The following PTPRN2 variants were observed in gnomAD, a reference collection of about 807,000 sequenced individuals.
PTPRN2 encodes the protein protein tyrosine phosphatase receptor type N2.
In PTPRN2, 74 loss-of-function variants were observed where a neutral mutation model predicts 118.8. The observed-to-expected ratio is 0.62, with a 90% confidence interval of 0.52 to 0.76. The LOEUF (loss-of-function observed/expected upper bound fraction) is 0.76, where lower values mean the gene tolerates loss of function less well. PTPRN2 is among the 30% of genes least tolerant of loss of function. PTPRN2 has a pLI of 0.00. For missense variants in PTPRN2, 1,481 were observed against 1,394.4 expected, an observed-to-expected ratio of 1.06 and a Z score of -0.99; for synonymous variants, 641 against 608.0, an observed-to-expected ratio of 1.05 and a Z score of -0.80.
chr7:158,017,007 AC>A (rs1426595268), intron 11 of PTPRN2, among the ~76,000 whole-genome samples: 13 of 152,328 alleles, frequency 8.5e-5, no homozygotes, highest in Middle Eastern at 3.4e-3. Context: ...GTTTGGTATA[AC>A]CTTCCAATTT....
At chr7:158,473,800 T>TA (rs5888756) in intron 2 of PTPRN2, among the ~76,000 whole-genome samples, 105,445 of 151,798 alleles carry the variant, frequency 0.69, 36,839 homozygotes, top group Admixed American at 0.78. Context: ...CATTAATTTT[T>TA]AAAAAAAGGT....
chr7:157,556,368 A>G (rs1195602355), intron 21 of PTPRN2, among the ~76,000 whole-genome samples: 1 of 151,342 alleles, frequency 6.6e-6, no homozygotes, highest in Non-Finnish European at 1.5e-5. Context: ...GCACACACAC[A>G]GGCATGCACA....
chr7:158,446,186 G>T (rs1817714848), intron 2 of PTPRN2, among the ~76,000 whole-genome samples: 1 of 152,198 alleles, frequency 6.6e-6, no homozygotes, highest in Non-Finnish European at 1.5e-5. Flanking sequence ...TTCTGTCCTT[G>T]CAAACCACTT....
At chr7:158,279,812 G>A (rs571259031) in intron 3 of PTPRN2, among the ~76,000 whole-genome samples, 8 of 152,268 alleles carry the variant, frequency 5.3e-5, no homozygotes, top group African/African-American at 1.4e-4. Context: ...GGGGCTCTTC[G>A]AGCCCGGCCA....
chr7:158,023,452 T>C (rs1462714120), intron 11 of PTPRN2, among the ~76,000 whole-genome samples: 4 of 151,974 alleles, frequency 2.6e-5, no homozygotes, highest in Non-Finnish European at 5.9e-5. Context: ...ATTAACACTC[T>C]AAAAAAAATT....
intron 1 of PTPRN2, among the ~76,000 whole-genome samples, chr7:158,572,580 G>A (rs1828102310): frequency 6.6e-6 from 1 of 152,200 alleles, no homozygotes; most frequent in African/African-American, 2.4e-5. Flanking sequence ...CTCCTGATCA[G>A]GACCGGCTGA....
At chr7:158,187,368 ATTGT>A (rs1441065959) in intron 5 of PTPRN2, among the ~76,000 whole-genome samples, 8 of 152,354 alleles carry the variant, frequency 5.3e-5, no homozygotes, top group African/African-American at 1.9e-4. Flanking sequence ...CAGGAAGTTG[ATTGT>A]ACCTTCAAAG....
At chr7:158,032,471 A>G (rs1057400013) in intron 11 of PTPRN2, among the ~76,000 whole-genome samples, 6 of 152,124 alleles carry the variant, frequency 3.9e-5, no homozygotes, top group Admixed American at 3.9e-4. Flanking sequence ...GACAGGAGGA[A>G]GGCCGGATGC....
At chr7:157,873,806 G>A (rs948221173) in intron 12 of PTPRN2, among the ~76,000 whole-genome samples, 2 of 152,146 alleles carry the variant, frequency 1.3e-5, no homozygotes, top group African/African-American at 4.8e-5. Flanking sequence ...CATCACACTG[G>A]GGGCACAGGT....
intron 9 of PTPRN2, among the ~76,000 whole-genome samples, chr7:158,113,901 G>A (rs1816504294): frequency 6.6e-6 from 1 of 152,110 alleles, no homozygotes; most frequent in Admixed American, 6.5e-5. Context: ...AGCCACATCT[G>A]AGCTCAGGGG....
intron 5 of PTPRN2, among the ~76,000 whole-genome samples, chr7:158,184,850 T>C (rs866362710): frequency 6.6e-6 from 1 of 152,152 alleles, no homozygotes; most frequent in African/African-American, 2.4e-5. Flanking sequence ...CAGTGTTGAA[T>C]TGAAGAGGTA....
At chr7:158,494,086 T>G (rs1821652663) in intron 1 of PTPRN2, among the ~76,000 whole-genome samples, 1 of 152,244 alleles carries the variant, frequency 6.6e-6, no homozygotes, top group African/African-American at 2.4e-5. Context: ...TGGATCTGCC[T>G]CTCTTACCCC....
chr7:158,430,060 A>G (rs932294627), intron 2 of PTPRN2, among the ~76,000 whole-genome samples: 23 of 152,106 alleles, frequency 1.5e-4, no homozygotes, highest in African/African-American at 5.6e-4. Context: ...GGTGCACGCT[A>G]CCACGCCCAG....
intron 12 of PTPRN2, among the ~76,000 whole-genome samples, chr7:157,824,329 A>G (rs903800972): frequency 4.6e-5 from 7 of 152,196 alleles, no homozygotes; most frequent in Admixed American, 3.9e-4. Flanking sequence ...CCAGAGAACC[A>G]CAAGAGGGCC....
chr7:158,545,028 G>T (rs1051428531), intron 1 of PTPRN2, among the ~76,000 whole-genome samples: 1 of 152,192 alleles, frequency 6.6e-6, no homozygotes, highest in East Asian at 1.9e-4. Context: ...GAAGCTCCAG[G>T]TCCTTCCTGA....
intron 15 of PTPRN2, among the ~76,000 whole-genome samples, chr7:157,614,822 G>C (rs1009036016): frequency 3.3e-5 from 5 of 152,222 alleles, no homozygotes; most frequent in Admixed American, 3.3e-4. Flanking sequence ...GGAGGGCCTC[G>C]GACACGGCCA....
intron 1 of PTPRN2, among the ~76,000 whole-genome samples, chr7:158,506,074 C>T (rs182857510): frequency 3.8e-4 from 58 of 152,006 alleles, no homozygotes; most frequent in African/African-American, 1.3e-3. Context: ...GGGCTTGGGA[C>T]GTGCTCTGGT....
intron 9 of PTPRN2, among the ~76,000 whole-genome samples, chr7:158,129,396 C>T (rs1037619690): frequency 6.6e-6 from 1 of 151,136 alleles, no homozygotes; most frequent in Non-Finnish European, 1.5e-5. Context: ...CCACACACTA[C>T]ACACAACAGA....
Position 157,770,825 on chromosome 7 carries a change from C to T in PTPRN2, c.1789-87888G>A, listed in dbSNP as rs187226483. On this transcript the variant is annotated intron_variant, in intron 12 of 22. Coordinates refer to ENST00000389418, the MANE Select transcript of PTPRN2 (RefSeq NM_002847.5). ...ACACATTCTCTGACGCACTTGCCCC[C>T]GAGGTGAGACCTCTGTCCTCCCCAC... Among the ~76,000 whole-genome samples, 72 of 152,190 alleles carry T rather than the reference C, an allele frequency of 4.7e-4. 1 individual carries two copies. The highest frequency in any genetic ancestry group is 9.3e-4 in the Non-Finnish European group (63 of 68,036).
Sources: allele counts gnomAD v4.1 joint callset (sites outside exome capture counted in the v4.1 genomes callset), GRCh38; gene constraint gnomAD v4.1.1; transcripts MANE v1.5; gene names NCBI Gene and HGNC (gene_info 2026-07-23, HGNC 2026-07-21).